FIBCD1: variants seen among roughly 807,000 people sequenced by gnomAD.
The protein encoded by FIBCD1 is fibrinogen C domain-containing protein 1.
Under a neutral mutation model 45.1 loss-of-function variants are expected in FIBCD1, and 47 were observed. The observed-to-expected ratio is 1.04, with a 90% CI of 0.82 to 1.33. The LOEUF is 1.33. FIBCD1 is among the 40% of genes most tolerant of loss of function. The probability of loss-of-function intolerance (pLI) is 0.00; values close to 1 mark genes in which losing one functional copy is unlikely to be tolerated. For missense variants in FIBCD1, 653 were observed against 682.2 expected, an observed-to-expected ratio of 0.96 and a Z score of 0.48; for synonymous variants, 313 against 308.1, an observed-to-expected ratio of 1.02 and a Z score of -0.17.
intron 4 of FIBCD1, among the ~76,000 whole-genome samples, chr9:130,913,757 C>T (rs1422228970): frequency 6.6e-6 from 1 of 152,176 alleles, no homozygotes; most frequent in Non-Finnish European, 1.5e-5. Flanking sequence ...CTCAGGCACT[C>T]CCCTGAGAAG....
At position 130,938,548 on chromosome 9, in the gene FIBCD1, G is replaced by T; in HGVS notation, c.60C>A (p.Arg20=). The T allele has an allele frequency of 6.7e-7, 1 of 1,490,146 alleles. No homozygotes were observed. 92.3% of individuals were successfully genotyped at this position (1,490,146 alleles called of 1,614,324 possible). ...CGCCCGAGCGTACCTGCGGCTTGTC[G>T]CGCGGCCGGTCCTCAAGTTGGGCAG... is the stretch of plus-strand genomic sequence containing the variant. The part of the protein sequence containing the change: ...GGAAQLEDRP[R]DKPQRPSCGY... The change falls in exon 1 of 7, where the codon CGC becomes CGA. Residue 20 remains arginine, a synonymous_variant. Coordinates refer to ENST00000372338, the MANE Select transcript of FIBCD1 (RefSeq NM_032843.5).
intron 1 of FIBCD1, among the ~76,000 whole-genome samples, chr9:130,932,571 T>C (rs1832458935): frequency 6.6e-6 from 1 of 152,226 alleles, no homozygotes; most frequent in Non-Finnish European, 1.5e-5. Flanking sequence ...CCTTTTCCAC[T>C]GGCCTAATGT....
intron 5 of FIBCD1, among the ~76,000 whole-genome samples, chr9:130,910,549 C>A (rs1017236508): frequency 6.6e-6 from 1 of 152,270 alleles, no homozygotes; most frequent in Non-Finnish European, 1.5e-5. Context: ...CCTGCAGTCC[C>A]GGTGCGGGAT....
chr9:130,917,030 A>G (rs1222187216), intron 4 of FIBCD1, among the ~76,000 whole-genome samples: 10 of 152,222 alleles, frequency 6.6e-5, no homozygotes, highest in Non-Finnish European at 1.5e-4. Context: ...CCTGGGAGGC[A>G]GAGGTTGCAG....
intron 2 of FIBCD1, among the ~76,000 whole-genome samples, chr9:130,925,055 G>A (rs1832335653): frequency 1.3e-5 from 2 of 152,184 alleles, no homozygotes; most frequent in South Asian, 4.1e-4. Context: ...GGTGCCCTGA[G>A]GCTGGGGAGG....
upstream of FIBCD1, among the ~76,000 whole-genome samples, chr9:130,940,245 T>A (rs997167928): frequency 9.2e-5 from 14 of 152,278 alleles, no homozygotes; most frequent in Admixed American, 6.5e-4. Flanking sequence ...CGGGGGACCC[T>A]GTGGCCCGGT....
chr9:130,930,097 A>G, intron 1 of FIBCD1, 51 bp from the exon 2 acceptor site: 2 of 1,473,264 alleles, frequency 1.4e-6, no homozygotes, highest in South Asian at 2.8e-5. Flanking sequence ...CGGGAGAGAG[A>G]AGGGGCCAGC....
In FIBCD1 at chr9:130,918,751, C is replaced by A. The variant is rs192182225; in HGVS notation, c.849+4993G>T. Among the ~76,000 whole-genome samples the A allele has an allele frequency of 2.0e-4, 31 of 152,316 alleles. No homozygotes were observed. In the Middle Eastern group the frequency reaches 0.01, roughly 50 times the overall value. Reference sequence around the variant, plus strand: ...CTCTGGGCAGTGCCCCCAGGGAGGCCTCTGGGCTCAGTCAGGAACAAGGCA... The same window carrying A: ...CTCTGGGCAGTGCCCCCAGGGAGGCATCTGGGCTCAGTCAGGAACAAGGCA... On this transcript the variant is annotated intron_variant, in intron 4 of 6. Transcript: ENST00000372338.
intron 4 of FIBCD1, among the ~76,000 whole-genome samples, chr9:130,917,342 G>A (rs1029625690): frequency 1.3e-5 from 2 of 152,234 alleles, no homozygotes; most frequent in Non-Finnish European, 2.9e-5. Context: ...GCCGCCCGGC[G>A]CACCTTGGAA....
At chr9:130,918,999 C>T (rs1832213102) in intron 4 of FIBCD1, among the ~76,000 whole-genome samples, 1 of 152,224 alleles carries the variant, frequency 6.6e-6, no homozygotes, top group Non-Finnish European at 1.5e-5. Flanking sequence ...GGACCCACTC[C>T]TTGTTTTTGA....
chr9:130,930,130 G>A, intron 1 of FIBCD1, 84 bp from the exon 2 acceptor site: 1 of 1,430,656 alleles, frequency 7.0e-7, no homozygotes, highest in Non-Finnish European at 9.1e-7. Context: ...CCTGGGGTCA[G>A]AGGACCCCCT....
intron 4 of FIBCD1, 27 bp downstream of exon 4, chr9:130,923,717 G>A (rs745613039): frequency 6.2e-7 from 1 of 1,608,364 alleles, no homozygotes; most frequent in African/African-American, 1.3e-5. Context: ...TGCCTGCCCT[G>A]CCGCCCGCCC....
At chr9:130,910,006 C>G (rs1007108695) in intron 5 of FIBCD1, among the ~76,000 whole-genome samples, 1 of 152,236 alleles carries the variant, frequency 6.6e-6, no homozygotes, top group African/African-American at 2.4e-5. Flanking sequence ...TCTGCGTGGG[C>G]TCCCACTTTG....
chr9:130,938,279 G>C, intron 1 of FIBCD1: 1 of 402,694 alleles, frequency 2.5e-6, no homozygotes, highest in Non-Finnish European at 4.5e-6. Flanking sequence ...CCAGGGGGCT[G>C]CTGGGGGTGC....
rs935671677 is a variant in FIBCD1 at position 130,905,292 on chromosome 9, G to C, written c.1068C>G (p.Ser356=). 6.2e-7 allele frequency: 1 copy of C among 1,614,000 alleles called. No homozygotes were observed. Among genetic ancestry groups the C allele is most frequent in the Admixed American group, 1.7e-5 (1 of 60,016 alleles). ...RYGSFGVGLF[S]VDPEEDGYPL... ...GGTACCCGTCTTCCTCAGGGTCCACGGAGAACAAGCCCACGCCGAAGCTCC... is the reference window on the plus strand; with the variant it reads ...GGTACCCGTCTTCCTCAGGGTCCACCGAGAACAAGCCCACGCCGAAGCTCC... The change falls in exon 6 of 7, where the codon TCC becomes TCG. Residue 356 remains serine (S), a synonymous_variant. Transcript: ENST00000372338.
At chr9:130,935,803 T>G (rs1001522306) in intron 1 of FIBCD1, among the ~76,000 whole-genome samples, 1 of 152,186 alleles carries the variant, frequency 6.6e-6, no homozygotes, top group African/African-American at 2.4e-5. Flanking sequence ...ATCTGTCAAA[T>G]GGGTTCATCA....
chr9:130,920,002 C>G (rs1427489363), intron 4 of FIBCD1, among the ~76,000 whole-genome samples: 1 of 152,132 alleles, frequency 6.6e-6, no homozygotes, highest in Non-Finnish European at 1.5e-5. Flanking sequence ...GGAGCCCAGG[C>G]ACTGAGGCTG....
At chr9:130,914,928 G>A (rs993404089) in intron 4 of FIBCD1, among the ~76,000 whole-genome samples, 1 of 152,114 alleles carries the variant, frequency 6.6e-6, no homozygotes, top group Admixed American at 6.5e-5. Flanking sequence ...CCCTTTCCCC[G>A]AGCCCAGGCA....
At chr9:130,934,738 G>A (rs962983879) in intron 1 of FIBCD1, among the ~76,000 whole-genome samples, 1 of 152,130 alleles carries the variant, frequency 6.6e-6, no homozygotes, top group African/African-American at 2.4e-5. Flanking sequence ...TTTCACTCGG[G>A]GATGGCACCA....
Sources: gnomAD v4.1 joint callset for allele counts (sites outside exome capture counted in the v4.1 genomes callset) on GRCh38, gnomAD v4.1.1 for gene constraint, MANE v1.5 for transcripts, NCBI Gene and HGNC (gene_info 2026-07-23, HGNC 2026-07-21) for gene names.